Variants in SLCO6A1 observed in about 807,000 individuals in gnomAD.
The protein encoded by SLCO6A1 is solute carrier organic anion transporter family member 6A1, also known as cancer/testis antigen 48.
A neutral mutation model predicts 72.7 loss-of-function variants in SLCO6A1; 65 were observed. The ratio of observed to expected loss-of-function variants is 0.89; its 90% CI spans 0.73 to 1.10. The LOEUF (loss-of-function observed/expected upper bound fraction) is 1.10. Ranked by LOEUF, SLCO6A1 falls within the 50% of genes least tolerant of loss-of-function variation. SLCO6A1 has a pLI of 0.00. For synonymous variants in SLCO6A1, 314 were observed against 298.2 expected, an observed-to-expected ratio of 1.05 and a Z score of -0.55; for missense variants, 874 against 872.6, an observed-to-expected ratio of 1.00 and a Z score of -0.02.
rs527718684 is a variant in SLCO6A1, at chr5:102,434,753, C to G, written c.1276+3864G>C. On this transcript the variant is annotated intron_variant, in intron 7 of 13. Coordinates refer to ENST00000506729, the MANE Select transcript of SLCO6A1 (RefSeq NM_173488.5). ...TCTTATCAACTCTTCTCTAGGCAAG[C>G]AAACTTCCTTGTCAATCTGGCCATC... Among the ~76,000 whole-genome samples the G allele has an allele frequency of 1.2e-4, 19 of 152,288 alleles. 1 individual carries two copies. In the South Asian group the frequency reaches 3.9e-3, roughly 32 times the overall value.
At chr5:102,473,209 T>C (rs1751720208) in intron 4 of SLCO6A1, among the ~76,000 whole-genome samples, 1 of 151,890 alleles carries the variant, frequency 6.6e-6, no homozygotes, top group African/African-American at 2.4e-5. Flanking sequence ...TGAATACTGA[T>C]GAAAAAAATC....
At chr5:102,374,038 C>CTTTTTTT (rs11352231) in intron 12 of SLCO6A1, among the ~76,000 whole-genome samples, 1 of 144,674 alleles carries the variant, frequency 6.9e-6, no homozygotes. Flanking sequence ...TAAATTAATT[C>CTTTTTTT]TTTTTTTTTT....
chr5:102,465,370 C>T (rs1751259703), intron 4 of SLCO6A1, among the ~76,000 whole-genome samples: 1 of 152,008 alleles, frequency 6.6e-6, no homozygotes, highest in African/African-American at 2.4e-5. Flanking sequence ...CGCCAGAGTT[C>T]TCCAGTGGGA....
chr5:102,466,451 T>C (rs1751316837), intron 4 of SLCO6A1, among the ~76,000 whole-genome samples: 1 of 152,154 alleles, frequency 6.6e-6, no homozygotes, highest in South Asian at 2.1e-4. Flanking sequence ...ATCAATTCCA[T>C]GTCTTTGCTA....
intron 12 of SLCO6A1, among the ~76,000 whole-genome samples, chr5:102,377,143 G>A (rs1745844672): frequency 6.6e-6 from 1 of 152,128 alleles, no homozygotes; most frequent in African/African-American, 2.4e-5. Flanking sequence ...CAGCCTGGGT[G>A]ACAGAGCAAG....
At chr5:102,447,742 T>C (rs1750195302) in intron 6 of SLCO6A1, among the ~76,000 whole-genome samples, 1 of 152,064 alleles carries the variant, frequency 6.6e-6, no homozygotes. Flanking sequence ...TTTCTGATTA[T>C]GTTTATTTGT....
At chr5:102,402,079 A>G (rs1399461564) in intron 9 of SLCO6A1, among the ~76,000 whole-genome samples, 5 of 152,124 alleles carry the variant, frequency 3.3e-5, no homozygotes, top group Non-Finnish European at 7.4e-5. Context: ...TGTATTAGAG[A>G]AAGTGAGCTG....
chr5:102,408,300 T>C lies in SLCO6A1; in HGVS notation c.1626+4690A>G, dbSNP rs549833281. On this transcript the variant is annotated intron_variant, in intron 9 of 13. Coordinates refer to ENST00000506729, the MANE Select transcript of SLCO6A1 (RefSeq NM_173488.5). ...TTAATATTTTCAGACCACAGTTGAT[T>C]GCAGGTCATTTAAATTATGGATGCA... is the stretch of plus-strand genomic sequence containing the variant. 5.3e-5 allele frequency among the ~76,000 whole-genome samples: 8 copies of C among 152,296 alleles called. No homozygotes were observed. In the East Asian group the frequency reaches 1.5e-3, roughly 29 times the overall value.
At chr5:102,475,624 C>T in intron 4 of SLCO6A1, 73 bp downstream of exon 4, 4 of 912,282 alleles carry the variant, frequency 4.4e-6, no homozygotes, top group Non-Finnish European at 6.6e-6. Context: ...TATATATTTA[C>T]TTGTAAGCTA....
At chr5:102,477,600 A>G in intron 3 of SLCO6A1, 76 bp downstream of exon 3, 1 of 1,221,084 alleles carries the variant, frequency 8.2e-7, no homozygotes, top group Admixed American at 2.1e-5. Context: ...GTACTTCTAT[A>G]TCAGCTTAGA....
In SLCO6A1 at chr5:102,434,215, A is replaced by T. The variant is rs866044141; in HGVS notation, c.1276+4402T>A. Among the ~76,000 whole-genome samples the T allele has an allele frequency of 6.6e-5, 10 of 152,232 alleles. No individual in the cohort carries two copies. In the South Asian group the frequency reaches 2.1e-3, roughly 32 times the overall value. Reference sequence around the variant, plus strand: ...ATACGATGAGTAGCCTTGAATAATAAGGATAGTATTTCCACGTAGAGCACA... The same window carrying T: ...ATACGATGAGTAGCCTTGAATAATATGGATAGTATTTCCACGTAGAGCACA... On this transcript the variant is annotated intron_variant, in intron 7 of 13. Coordinates refer to ENST00000506729, the MANE Select transcript of SLCO6A1 (RefSeq NM_173488.5).
intron 10 of SLCO6A1, among the ~76,000 whole-genome samples, chr5:102,393,091 C>G (rs1207929422): frequency 6.6e-6 from 1 of 151,972 alleles, no homozygotes; most frequent in East Asian, 1.9e-4. Flanking sequence ...TTTTTTATCT[C>G]TAATACCACT....
chr5:102,399,774 C>A, intron 9 of SLCO6A1, 32 bp from the exon 10 acceptor site: 2 of 1,428,512 alleles, frequency 1.4e-6, no homozygotes, highest in South Asian at 1.7e-5. Context: ...AACAATCTTT[C>A]AGAAAAATAG....
At chr5:102,414,591 A>T (rs1748170877) in intron 8 of SLCO6A1, among the ~76,000 whole-genome samples, 2 of 152,168 alleles carry the variant, frequency 1.3e-5, no homozygotes, top group Non-Finnish European at 2.9e-5. Flanking sequence ...CACCAATAAA[A>T]ATCTAGCTGA....
rs764844949 is a variant in SLCO6A1, at chr5:102,475,760, G to GCATATCCAAT, written c.826_835dup (p.Ala279AspfsTer15). 6.2e-7 allele frequency: 1 copy of GCATATCCAAT among 1,608,952 alleles called. No individual in the cohort carries two copies. The highest frequency in any genetic ancestry group is 1.1e-5 in the South Asian group (1 of 90,124). ...TGGTGCTCCTAGCACATAACCCAGA[G>GCATATCCAAT]CATATCCAATCATTGATGTACATTC... is the stretch of plus-strand genomic sequence containing the variant. On this transcript the variant is annotated frameshift_variant, in exon 4 of 14. Coordinates refer to ENST00000506729, the MANE Select transcript of SLCO6A1 (RefSeq NM_173488.5). LOFTEE classifies it high-confidence loss of function.
chr5:102,443,226 A>G (rs747484664), intron 6 of SLCO6A1, among the ~76,000 whole-genome samples: 2 of 152,152 alleles, frequency 1.3e-5, no homozygotes, highest in Non-Finnish European at 2.9e-5. Context: ...GAAGTGAGAC[A>G]TCATTCAGAG....
chr5:102,377,672 T>C (rs976552817), intron 12 of SLCO6A1, among the ~76,000 whole-genome samples: 1 of 151,750 alleles, frequency 6.6e-6, no homozygotes, highest in Non-Finnish European at 1.5e-5. Context: ...TAGACATATA[T>C]ATAGATATAG....
At chr5:102,428,847 G>C (rs1749057689) in intron 7 of SLCO6A1, among the ~76,000 whole-genome samples, 2 of 152,056 alleles carry the variant, frequency 1.3e-5, no homozygotes, top group Admixed American at 6.6e-5. Context: ...TGGTAGTTTT[G>C]CCTTTAGCTC....
intron 9 of SLCO6A1, among the ~76,000 whole-genome samples, chr5:102,404,844 A>C (rs984348054): frequency 3.3e-5 from 5 of 152,168 alleles, no homozygotes; most frequent in Non-Finnish European, 1.5e-5. Flanking sequence ...GGCATCGCAG[A>C]AATTAAACCA....
Sources: gnomAD v4.1 joint callset for allele counts (sites outside exome capture counted in the v4.1 genomes callset) on GRCh38, gnomAD v4.1.1 for gene constraint, MANE v1.5 for transcripts, NCBI Gene and HGNC (gene_info 2026-07-23, HGNC 2026-07-21) for gene names.